THSD7B: variants seen among roughly 807,000 people sequenced by gnomAD.
The protein encoded by THSD7B is thrombospondin type 1 domain containing 7B, also known as thrombospondin type-1 domain-containing protein 7B.
A neutral mutation model predicts 213.6 loss-of-function variants in THSD7B; 138 were observed. That is an observed-to-expected ratio of 0.65 (90% confidence interval 0.56 to 0.74). The LOEUF is 0.74. Among genes scored for constraint, THSD7B ranks in the 30% least tolerant of loss-of-function variants. The pLI is 0.00. For synonymous variants in THSD7B, 742 were observed against 687.0 expected, an observed-to-expected ratio of 1.08 and a Z score of -1.25; for missense variants, 1,931 against 1,991.5, an observed-to-expected ratio of 0.97 and a Z score of 0.58.
rs1682096720 is a variant in THSD7B, at chr2:137,248,657, T to C, written c.2266+6085T>C. ...TTTACTTTCCCCTGTCAAGCATATG[T>C]GGCCCCCTCCTCTTCACAGAACCAT... On this transcript the variant is annotated intron_variant, in intron 10 of 27. Coordinates refer to ENST00000409968, the MANE Select transcript of THSD7B (RefSeq NM_001316349.2). Among the ~76,000 whole-genome samples the C allele has an allele frequency of 2.0e-5, 3 of 152,142 alleles. No individual in the cohort carries two copies. The South Asian group carries it at 6.2e-4, about 31-fold the overall frequency.
At position 137,170,741 on chromosome 2, in the gene THSD7B, G is replaced by T. The variant is rs753986556; in HGVS notation, c.1526G>T (p.Gly509Val). ...ENCHDPQGKK[G>V]FRTRQRHVLM... ...AAAATTCTTTTCTCTCTCTTTTTAG[G>T]ATTTAGAACGAGGCAGCGCCATGTC... Residue 509 changes from glycine (G) to valine (V), a missense_variant and splice_region_variant, in exon 7 of 28, where the codon GGA becomes GTA. Physicochemically the swap from Gly to Val is moderately radical, Grantham distance 109 (BLOSUM62 -3). Transcript: ENST00000409968. 25 of 1,609,012 alleles carry T rather than the reference G, an allele frequency of 1.6e-5. No homozygotes were observed. The highest frequency in any genetic ancestry group is 2.1e-5 in the Non-Finnish European group (25 of 1,177,056).
At chr2:137,367,928 G>A (rs949909776) in intron 12 of THSD7B, among the ~76,000 whole-genome samples, 3 of 152,070 alleles carry the variant, frequency 2.0e-5, no homozygotes, top group East Asian at 1.9e-4. Flanking sequence ...TCCAAATACC[G>A]TCACTTGGGG....
intron 3 of THSD7B, 32 bp downstream of exon 3, chr2:137,057,262 AC>A: frequency 6.6e-7 from 1 of 1,520,974 alleles, no homozygotes; most frequent in Non-Finnish European, 8.9e-7. Flanking sequence ...AATTTGATTC[AC>A]CTAAAATATT....
chr2:137,433,237 G>C (rs775957376), intron 14 of THSD7B, among the ~76,000 whole-genome samples: 5 of 152,082 alleles, frequency 3.3e-5, no homozygotes, highest in South Asian at 2.1e-4. Context: ...AAGAAAATGT[G>C]ATCTAAAAAG....
intron 4 of THSD7B, among the ~76,000 whole-genome samples, chr2:137,106,782 A>G (rs1688261112): frequency 6.6e-6 from 1 of 152,252 alleles, no homozygotes; most frequent in African/African-American, 2.4e-5. Flanking sequence ...CAACAAACAT[A>G]TGAGCAAAAG....
At chr2:137,282,510 T>G (rs941715870) in intron 12 of THSD7B, among the ~76,000 whole-genome samples, 19 of 152,190 alleles carry the variant, frequency 1.2e-4, no homozygotes, top group Non-Finnish European at 5.9e-5. Flanking sequence ...ATTGCCTAGG[T>G]TTTTTTCTAG....
Position 137,453,183 on chromosome 2 carries a change from GTTTA to G in THSD7B, c.3138+2167_3138+2170del, listed in dbSNP as rs563806222. ...TCCATATGTTATATATTAAAAAAAA[GTTTA>G]TTTATTGTAAGTTGACAATATGCGG... On this transcript the variant is annotated intron_variant, in intron 15 of 27. Coordinates refer to ENST00000409968, the MANE Select transcript of THSD7B (RefSeq NM_001316349.2). Among the ~76,000 whole-genome samples the G allele has an allele frequency of 9.9e-5, 15 of 152,120 alleles. 1 individual carries two copies. In the South Asian group the frequency reaches 3.1e-3, roughly 32 times the overall value.
intron 7 of THSD7B, among the ~76,000 whole-genome samples, chr2:137,187,795 G>A (rs1391014179): frequency 1.3e-5 from 2 of 152,116 alleles, no homozygotes; most frequent in Non-Finnish European, 2.9e-5. Flanking sequence ...TTCCTTTGCT[G>A]TATATAGTAT....
intron 15 of THSD7B, among the ~76,000 whole-genome samples, chr2:137,522,136 C>G (rs1388271716): frequency 1.3e-5 from 2 of 152,162 alleles, no homozygotes; most frequent in Non-Finnish European, 2.9e-5. Context: ...CAGATAAACT[C>G]TTCTTGGTGC....
chr2:136,962,401 A>ATATTTT (rs1685234921), intron 2 of THSD7B, among the ~76,000 whole-genome samples: 1 of 52,396 alleles, frequency 1.9e-5, no homozygotes, highest in African/African-American at 5.2e-5. Flanking sequence ...TAAATCTGTT[A>ATATTTT]TCTTTTTTTT....
intron 2 of THSD7B, among the ~76,000 whole-genome samples, chr2:137,042,901 A>G (rs1686907607): frequency 6.6e-6 from 1 of 152,236 alleles, no homozygotes; most frequent in Non-Finnish European, 1.5e-5. Flanking sequence ...GAATTCTCAC[A>G]AAGCACTCTG....
intron 2 of THSD7B, among the ~76,000 whole-genome samples, chr2:136,978,951 T>A (rs1241143235): frequency 2.0e-5 from 3 of 152,062 alleles, no homozygotes; most frequent in Admixed American, 2.0e-4. Flanking sequence ...CCATATTCAT[T>A]GCTTTCTTCA....
intron 1 of THSD7B, among the ~76,000 whole-genome samples, chr2:136,873,021 T>TTAAA (rs70975722): frequency 0.43 from 19,043 of 44,630 alleles, 5,197 homozygotes; most frequent in Non-Finnish European, 0.56. Flanking sequence ...AGACTCCATC[T>TTAAA]AAAAAAAAAA....
chr2:136,991,445 C>T (rs760244955), intron 2 of THSD7B, among the ~76,000 whole-genome samples: 35 of 151,928 alleles, frequency 2.3e-4, no homozygotes, highest in Non-Finnish European at 4.3e-4. Flanking sequence ...AAAAAGAGAG[C>T]GAGAGAGAGT....
chr2:137,428,001 T>C (rs911713020), intron 14 of THSD7B, among the ~76,000 whole-genome samples: 1 of 152,072 alleles, frequency 6.6e-6, no homozygotes, highest in African/African-American at 2.4e-5. Flanking sequence ...CTGAAAAAAA[T>C]AATGTATAAG....
chr2:137,343,450 G>A (rs979711454), intron 12 of THSD7B, among the ~76,000 whole-genome samples: 1 of 151,678 alleles, frequency 6.6e-6, no homozygotes, highest in African/African-American at 2.4e-5. Flanking sequence ...TATCATTTGT[G>A]TTTCTGTTGT....
At chr2:137,097,755 A>G (rs1688065588) in intron 4 of THSD7B, among the ~76,000 whole-genome samples, 1 of 143,832 alleles carries the variant, frequency 7.0e-6, no homozygotes, top group South Asian at 2.3e-4. Context: ...CTGTTTGAAA[A>G]TGCCGCTAAG....
In THSD7B at chr2:137,189,332, TAAC is replaced by T. The variant is rs555273148; in HGVS notation, c.1723+18406_1723+18408del. Reference sequence around the variant, plus strand: ...CCTATGAGTGAAAAAACCAGAAAGTTAACAACAACAACAAAAATCCCCCTGTAT... The same window carrying T: ...CCTATGAGTGAAAAAACCAGAAAGTTAACAACAACAAAAATCCCCCTGTAT... On this transcript the variant is annotated intron_variant, in intron 7 of 27. Transcript: ENST00000409968. Among the ~76,000 whole-genome samples the T allele has an allele frequency of 2.4e-4, 36 of 152,256 alleles. No homozygotes were observed. In the South Asian group the frequency reaches 3.9e-3, roughly 17 times the overall value.
At chr2:136,998,005 T>C (rs1165385466) in intron 2 of THSD7B, among the ~76,000 whole-genome samples, 2 of 151,686 alleles carry the variant, frequency 1.3e-5, no homozygotes, top group African/African-American at 2.4e-5. Flanking sequence ...AGCCCAAAAT[T>C]CAGTAGTCAC....
Sources: allele counts gnomAD v4.1 joint callset (sites outside exome capture counted in the v4.1 genomes callset), GRCh38; gene constraint gnomAD v4.1.1; transcripts MANE v1.5; gene names NCBI Gene and HGNC (gene_info 2026-07-23, HGNC 2026-07-21).